DISP1: variants seen among roughly 807,000 people sequenced by gnomAD.
DISP1 encodes the protein protein dispatched homolog 1.
Under a neutral mutation model 37.3 loss-of-function variants are expected in DISP1, and 30 were observed. The observed-to-expected ratio is 0.80, with a 90% confidence interval of 0.60 to 1.09. The LOEUF (loss-of-function observed/expected upper bound fraction) is 1.09. DISP1 is among the 50% of genes least tolerant of loss of function. The pLI is 0.00. For missense variants in DISP1, 1,598 were observed against 1,879.5 expected, an observed-to-expected ratio of 0.85 and a Z score of 2.77; for synonymous variants, 634 against 690.2, an observed-to-expected ratio of 0.92 and a Z score of 1.28.
At chr1:222,836,415 C>T (rs764038788) in intron 1 of DISP1, among the ~76,000 whole-genome samples, 21 of 152,026 alleles carry the variant, frequency 1.4e-4, no homozygotes, top group Non-Finnish European at 2.8e-4. Context: ...CATTTTAAAC[C>T]ATTTAACATC....
chr1:223,002,759 C>T lies in DISP1; in HGVS notation c.1362C>T (p.Leu454=). ...CGCCAGCTTTAAAATACAGCATGCT[C>T]TTCTCTCCCACAGAGAAAGGGGAGA... ...YATPALKYSM[L]FSPTEKGESM... Residue 454 remains leucine, a synonymous_variant, in exon 9 of 9, where the codon CTC becomes CTT. Transcript: ENST00000675850. 6.2e-7 allele frequency: 1 copy of T among 1,614,174 alleles called. No individual in the cohort carries two copies. Among genetic ancestry groups the T allele is most frequent in the Non-Finnish European group, 8.5e-7 (1 of 1,180,044 alleles).
At chr1:222,929,011 A>C (rs1243285783) in intron 2 of DISP1, among the ~76,000 whole-genome samples, 1 of 152,212 alleles carries the variant, frequency 6.6e-6, no homozygotes, top group Non-Finnish European at 1.5e-5. Context: ...TTTGTGAATT[A>C]AATATTATAA....
chr1:222,871,381 C>T (rs963987259), intron 1 of DISP1, among the ~76,000 whole-genome samples: 2 of 152,122 alleles, frequency 1.3e-5, no homozygotes, highest in Admixed American at 1.3e-4. Context: ...TTACCTTGGG[C>T]AGTATGGCCA....
intron 1 of DISP1, among the ~76,000 whole-genome samples, chr1:222,818,867 A>C (rs1211026675): frequency 6.6e-6 from 1 of 152,238 alleles, no homozygotes; most frequent in Non-Finnish European, 1.5e-5. Context: ...GTTGACACAT[A>C]AGGCTAACCA....
chr1:222,823,776 T>C (rs1663565608), intron 1 of DISP1: 2 of 151,976 alleles, frequency 1.3e-5, no homozygotes, highest in African/African-American at 4.8e-5. Flanking sequence ...AGTGTTTTAA[T>C]ATATGTAGAT....
intron 1 of DISP1, among the ~76,000 whole-genome samples, chr1:222,821,319 T>C (rs375651727): frequency 4.5e-4 from 69 of 152,204 alleles, no homozygotes; most frequent in East Asian, 1.5e-3. Context: ...ACTATTTGAA[T>C]AGAAATAAAC....
chr1:222,944,318 G>A (rs895958007), intron 3 of DISP1, among the ~76,000 whole-genome samples: 1 of 152,092 alleles, frequency 6.6e-6, no homozygotes, highest in Admixed American at 6.5e-5. Context: ...TTTCTCATAT[G>A]TATGATTTTC....
chr1:222,818,922 C>T (rs555748985), intron 1 of DISP1, among the ~76,000 whole-genome samples: 32 of 152,222 alleles, frequency 2.1e-4, no homozygotes, highest in Non-Finnish European at 3.2e-4. Context: ...TAATATGTGG[C>T]GTGTAAAATG....
chr1:222,983,152 G>T (rs1268872485), intron 4 of DISP1, 43 bp downstream of exon 4: 1 of 1,429,606 alleles, frequency 7.0e-7, no homozygotes. Context: ...AAACTTACCT[G>T]CATGCTTTTT....
At chr1:222,907,349 CAG>C (rs1671956598) in intron 1 of DISP1, among the ~76,000 whole-genome samples, 1 of 152,234 alleles carries the variant, frequency 6.6e-6, no homozygotes, top group Admixed American at 6.5e-5. Flanking sequence ...GAAACTAGAG[CAG>C]AGATTCTCAA....
At chr1:222,985,466 A>G (rs530761532) in intron 4 of DISP1, among the ~76,000 whole-genome samples, 114 of 152,314 alleles carry the variant, frequency 7.5e-4, no homozygotes, top group African/African-American at 2.5e-3. Context: ...CCTGGCCAAC[A>G]TGGTGAAACC....
At chr1:222,930,209 G>T (rs1673314214) in intron 2 of DISP1, among the ~76,000 whole-genome samples, 1 of 152,086 alleles carries the variant, frequency 6.6e-6, no homozygotes, top group African/African-American at 2.4e-5. Flanking sequence ...ACTGCTTTGA[G>T]TTCTGGGACT....
intron 7 of DISP1, among the ~76,000 whole-genome samples, chr1:222,992,858 C>T (rs1446196578): frequency 1.8e-5 from 1 of 56,038 alleles, no homozygotes; most frequent in African/African-American, 5.6e-5. Flanking sequence ...AGGTCAAAAA[C>T]CCAGAATTTT....
At chr1:222,977,060 G>A (rs897514089) in intron 3 of DISP1, among the ~76,000 whole-genome samples, 7 of 151,956 alleles carry the variant, frequency 4.6e-5, no homozygotes, top group African/African-American at 7.2e-5. Context: ...ACGGAGTTTC[G>A]CTCTTATTGC....
At chr1:222,841,335 T>C (rs1667601726) in intron 1 of DISP1, among the ~76,000 whole-genome samples, 1 of 152,214 alleles carries the variant, frequency 6.6e-6, no homozygotes, top group Non-Finnish European at 1.5e-5. Flanking sequence ...ACTGTGTGCC[T>C]GGTGCTGTTC....
Position 223,002,931 on chromosome 1 carries a change from G to A in DISP1, c.1534G>A (p.Val512Met), listed in dbSNP as rs778079837. 6.2e-7 allele frequency: 1 copy of A among 1,613,972 alleles called. No homozygotes were observed. The highest frequency in any genetic ancestry group is 1.7e-5 in the Admixed American group (1 of 60,032). ...TACTGTGTATCCTGCCATAGCCATT[G>A]TGATTGTCCTTTTAGTTATGTGTGT... ...MDTVYPAIAI[V>M]IVLLVMCVYT... Residue 512 changes from valine (V) to methionine (M), a missense_variant, in exon 9 of 9, where the codon GTG becomes ATG. Coordinates refer to ENST00000675850, the MANE Select transcript of DISP1 (RefSeq NM_001377229.1).
At chr1:222,828,812 T>C (rs749730003) in intron 1 of DISP1, among the ~76,000 whole-genome samples, 6 of 152,204 alleles carry the variant, frequency 3.9e-5, no homozygotes, top group Non-Finnish European at 8.8e-5. Context: ...TCTCTTACTT[T>C]ATTGTTGGCT....
chr1:222,856,970 C>T (rs1490810619), intron 1 of DISP1, among the ~76,000 whole-genome samples: 2 of 152,148 alleles, frequency 1.3e-5, no homozygotes, highest in Non-Finnish European at 2.9e-5. Flanking sequence ...TCCCAAAGAG[C>T]TGGGATTACA....
chr1:222,964,405 C>T (rs895736423), intron 3 of DISP1, among the ~76,000 whole-genome samples: 6 of 152,056 alleles, frequency 3.9e-5, no homozygotes, highest in Non-Finnish European at 8.8e-5. Flanking sequence ...CTCTTAATCA[C>T]CACTCTATGC....
Sources: allele counts gnomAD v4.1 joint callset (sites outside exome capture counted in the v4.1 genomes callset), GRCh38; gene constraint gnomAD v4.1.1; transcripts MANE v1.5; gene names NCBI Gene and HGNC (gene_info 2026-07-23, HGNC 2026-07-21).